Variants in PRR16 observed in about 807,000 individuals in gnomAD.
The protein encoded by PRR16 is proline rich 16, also known as protein Largen.
In PRR16, 6 loss-of-function variants were observed where a neutral mutation model predicts 18.2. That is an observed-to-expected ratio of 0.33 (90% CI 0.18 to 0.65). The LOEUF (loss-of-function observed/expected upper bound fraction) is 0.65, where lower values mean the gene tolerates loss of function less well. PRR16 is among the 30% of genes least tolerant of loss of function. The probability of loss-of-function intolerance (pLI) is 0.74; values close to 1 mark genes in which losing one functional copy is unlikely to be tolerated. For missense variants in PRR16, 412 were observed against 376.6 expected, an observed-to-expected ratio of 1.09 and a Z score of -0.78; for synonymous variants, 151 against 147.8, an observed-to-expected ratio of 1.02 and a Z score of -0.16.
At chr5:120,574,429 C>T (rs1753009398) in intron 1 of PRR16, among the ~76,000 whole-genome samples, 1 of 151,962 alleles carries the variant, frequency 6.6e-6, no homozygotes, top group Non-Finnish European at 1.5e-5. Context: ...CATAGCAAAA[C>T]CCTGTCTCTG....
chr5:120,737,262 G>A, the PRR16 span, among the ~76,000 whole-genome samples: 3,537 of 143,380 alleles, frequency 0.025, 154 homozygotes, highest in African/African-American at 0.086. Flanking sequence ...TACATATATG[G>A]CTTTAGTGGG....
the PRR16 span, among the ~76,000 whole-genome samples, chr5:120,747,462 T>A: frequency 2.0e-5 from 3 of 152,306 alleles, no homozygotes; most frequent in Admixed American, 2.0e-4. Flanking sequence ...GAAAGCTTCA[T>A]CCTTTAGAAA....
At chr5:120,594,185 C>T (rs1753729411) in intron 1 of PRR16, among the ~76,000 whole-genome samples, 1 of 151,966 alleles carries the variant, frequency 6.6e-6, no homozygotes, top group Non-Finnish European at 1.5e-5. Flanking sequence ...TAAAAGTCAA[C>T]CAAATAGGAA....
the PRR16 span, among the ~76,000 whole-genome samples, chr5:120,766,511 C>A: frequency 6.6e-6 from 1 of 151,772 alleles, no homozygotes; most frequent in Non-Finnish European, 1.5e-5. Flanking sequence ...ATATACATTG[C>A]AAACATCTTT....
At chr5:120,534,599 T>C (rs1056035807) in intron 1 of PRR16, among the ~76,000 whole-genome samples, 1 of 152,204 alleles carries the variant, frequency 6.6e-6, no homozygotes, top group Non-Finnish European at 1.5e-5. Context: ...CTTAGAAATG[T>C]ATTATCTGTC....
the PRR16 span, among the ~76,000 whole-genome samples, chr5:120,729,647 A>G: frequency 6.6e-6 from 1 of 152,170 alleles, no homozygotes; most frequent in Non-Finnish European, 1.5e-5. Context: ...GTTTGACTAA[A>G]TAAATGAATG....
Position 120,529,149 on chromosome 5 carries a change from A to G in PRR16, c.159+64504A>G, listed in dbSNP as rs1751464496. ...AAGAACAAGGCAACCAATCTTCACT[A>G]TATTTGCTTTTCTCTTTATAGCATT... On this transcript the variant is annotated intron_variant, in intron 1 of 1. Coordinates refer to ENST00000407149, the MANE Select transcript of PRR16 (RefSeq NM_001300783.2). Among the ~76,000 whole-genome samples the G allele has an allele frequency of 2.6e-5, 4 of 152,282 alleles. No homozygotes were observed. In the South Asian group the frequency reaches 8.3e-4, roughly 32 times the overall value.
chr5:120,725,393 C>G, the PRR16 span, among the ~76,000 whole-genome samples: 3 of 150,948 alleles, frequency 2.0e-5, no homozygotes, highest in Non-Finnish European at 4.4e-5. Context: ...TAGTGGCTCA[C>G]GTTTGTAATC....
intron 1 of PRR16, among the ~76,000 whole-genome samples, chr5:120,601,745 G>T (rs183912298): frequency 3.3e-5 from 5 of 151,962 alleles, no homozygotes; most frequent in Admixed American, 3.3e-4. Flanking sequence ...TTTTTTAATG[G>T]TGTAAGGAAG....
intron 1 of PRR16, among the ~76,000 whole-genome samples, chr5:120,513,529 C>T (rs1030561655): frequency 6.6e-6 from 1 of 152,034 alleles, no homozygotes; most frequent in African/African-American, 2.4e-5. Context: ...CACATGTTTC[C>T]TCCACCTGGA....
intron 1 of PRR16, among the ~76,000 whole-genome samples, chr5:120,681,025 G>T (rs971287330): frequency 2.6e-5 from 4 of 152,094 alleles, no homozygotes; most frequent in Non-Finnish European, 5.9e-5. Flanking sequence ...GTTGCATCTG[G>T]ATATTTGCCT....
the PRR16 span, among the ~76,000 whole-genome samples, chr5:120,793,433 G>T: frequency 2.0e-5 from 3 of 152,156 alleles, no homozygotes; most frequent in African/African-American, 7.2e-5. Flanking sequence ...TTTGAACTGA[G>T]ATCTGAAGGG....
intron 1 of PRR16, among the ~76,000 whole-genome samples, chr5:120,573,563 A>T: frequency 6.6e-6 from 1 of 152,162 alleles, no homozygotes; most frequent in East Asian, 1.9e-4. Flanking sequence ...GAGCACGGTG[A>T]ACTTGGAGAA....
At chr5:120,700,736 G>A in the PRR16 span, among the ~76,000 whole-genome samples, 191 of 152,250 alleles carry the variant, frequency 1.3e-3, 1 homozygote, top group African/African-American at 2.0e-3. Context: ...ATGTGGAGTG[G>A]GTAGCCTCCG....
the PRR16 span, among the ~76,000 whole-genome samples, chr5:120,744,829 G>A: frequency 6.6e-6 from 1 of 152,076 alleles, no homozygotes; most frequent in African/African-American, 2.4e-5. Context: ...TGTATTTGAG[G>A]AAAAGGGATT....
At chr5:120,705,950 C>T in the PRR16 span, among the ~76,000 whole-genome samples, 6 of 152,188 alleles carry the variant, frequency 3.9e-5, no homozygotes, top group Non-Finnish European at 7.4e-5. Flanking sequence ...ATAACAGAAA[C>T]CTTTGAAAAA....
chr5:120,611,533 G>C (rs1471768420), intron 1 of PRR16, among the ~76,000 whole-genome samples: 1 of 152,176 alleles, frequency 6.6e-6, no homozygotes, highest in South Asian at 2.1e-4. Context: ...GCCAGCCTTG[G>C]TTGAAAGGGG....
At chr5:120,760,898 G>T in the PRR16 span, among the ~76,000 whole-genome samples, 1 of 151,916 alleles carries the variant, frequency 6.6e-6, no homozygotes, top group Non-Finnish European at 1.5e-5. Flanking sequence ...TCCTTTCCTT[G>T]CCTTGCTTCC....
intron 1 of PRR16, among the ~76,000 whole-genome samples, chr5:120,549,289 G>T (rs754610994): frequency 6.6e-6 from 1 of 151,932 alleles, no homozygotes; most frequent in Non-Finnish European, 1.5e-5. Flanking sequence ...TTGTAGAGAT[G>T]GCATATCGCC....
Sources: allele counts gnomAD v4.1 joint callset (sites outside exome capture counted in the v4.1 genomes callset), GRCh38; gene constraint gnomAD v4.1.1; transcripts MANE v1.5; gene names NCBI Gene and HGNC (gene_info 2026-07-23, HGNC 2026-07-21).